IFT88: variants seen among roughly 807,000 people sequenced by gnomAD.
The protein encoded by IFT88 is intraflagellar transport protein 88 homolog.
A neutral mutation model predicts 119.5 loss-of-function variants in IFT88; 74 were observed. The observed-to-expected ratio is 0.62, with a 90% CI of 0.51 to 0.75. IFT88 has a LOEUF of 0.75. Among genes scored for constraint, IFT88 ranks in the 30% least tolerant of loss-of-function variants. The pLI is 0.00. For synonymous variants in IFT88, 279 were observed against 316.7 expected (o/e 0.88, Z 1.26); for missense variants, 961 against 977.7 (o/e 0.98, Z 0.23).
intron 6 of IFT88, 133 bp from the exon 7 acceptor site, chr13:20,592,202 T>C (rs2040799962): frequency 1.5e-6 from 1 of 687,914 alleles, no homozygotes; most frequent in East Asian, 2.8e-5. Flanking sequence ...GTTATCTCCA[T>C]TTAATAAATA....
chr13:20,572,480 A>T (rs190485421), intron 1 of IFT88, among the ~76,000 whole-genome samples: 2 of 152,132 alleles, frequency 1.3e-5, no homozygotes, highest in Non-Finnish European at 2.9e-5. Context: ...TGGCCCTCCA[A>T]AGTCCTGAAA....
intron 16 of IFT88, among the ~76,000 whole-genome samples, chr13:20,637,218 C>T (rs916469263): frequency 2.6e-5 from 4 of 152,138 alleles, no homozygotes; most frequent in Non-Finnish European, 5.9e-5. Flanking sequence ...GGTTGCACAA[C>T]TTTGTGAACC....
In IFT88 at chr13:20,619,004, A is replaced by G. The variant is rs575571540; in HGVS notation, c.1199+3125A>G. On this transcript the variant is annotated intron_variant, in intron 14 of 25. Coordinates refer to ENST00000351808, the MANE Select transcript of IFT88 (RefSeq NM_006531.5). The stretch of plus-strand genomic sequence containing the variant: ...CCTAAGTAGCTGGGACTACAGGCGC[A>G]CATTGCCACGCCCGGCCAATTTTTT... Among the ~76,000 whole-genome samples, 21 of 151,942 alleles carry G rather than the reference A, an allele frequency of 1.4e-4. No homozygotes were observed. The East Asian group carries it at 3.7e-3, about 27-fold the overall frequency.
chr13:20,610,521 A>G (rs2044300019), intron 13 of IFT88, among the ~76,000 whole-genome samples: 1 of 152,026 alleles, frequency 6.6e-6, no homozygotes, highest in Admixed American at 6.5e-5. Context: ...CTTTGGACAT[A>G]TCATTGAACT....
chr13:20,600,583 G>T (rs1041311164), intron 11 of IFT88, among the ~76,000 whole-genome samples: 41 of 152,220 alleles, frequency 2.7e-4, no homozygotes, highest in Non-Finnish European at 4.9e-4. Flanking sequence ...AAATAAGGTG[G>T]GATCACATCC....
chr13:20,638,272 A>C, intron 16 of IFT88, 60 bp from the exon 17 acceptor site: 2 of 906,716 alleles, frequency 2.2e-6, no homozygotes, highest in Non-Finnish European at 3.1e-6. Flanking sequence ...CTGTAATCTC[A>C]GAACAGTCAG....
intron 9 of IFT88, among the ~76,000 whole-genome samples, chr13:20,597,488 T>G (rs1030876172): frequency 5.3e-5 from 8 of 152,120 alleles, no homozygotes; most frequent in African/African-American, 1.2e-4. Flanking sequence ...CTCACGCCTG[T>G]AATCCCAGCA....
At chr13:20,639,580 A>C (rs1245821809) in intron 17 of IFT88, among the ~76,000 whole-genome samples, 1 of 152,148 alleles carries the variant, frequency 6.6e-6, no homozygotes, top group Non-Finnish European at 1.5e-5. Flanking sequence ...GAAGGAAGGG[A>C]GGCTATGACC....
At chr13:20,601,357 C>T (rs2042565299) in intron 11 of IFT88, among the ~76,000 whole-genome samples, 1 of 74,600 alleles carries the variant, frequency 1.3e-5, no homozygotes, top group South Asian at 8.1e-4. Flanking sequence ...CAGAGAGAGA[C>T]CCTGTCTGAA....
chr13:20,608,179 G>A (rs2043840896), intron 13 of IFT88: 4 of 305,398 alleles, frequency 1.3e-5, no homozygotes, highest in Non-Finnish European at 2.6e-5. Context: ...GGACCAGACT[G>A]TTCTGCGACG....
chr13:20,690,989 G>C, intron 25 of IFT88, 65 bp from the exon 26 acceptor site: 2 of 1,577,274 alleles, frequency 1.3e-6, no homozygotes, highest in Non-Finnish European at 1.7e-6. Flanking sequence ...CTATGAGCCT[G>C]ATTGGTTTCA....
At chr13:20,686,100 T>A (rs2057889152) in intron 24 of IFT88, among the ~76,000 whole-genome samples, 1 of 152,182 alleles carries the variant, frequency 6.6e-6, no homozygotes, top group Non-Finnish European at 1.5e-5. Context: ...TGTGGTGAGA[T>A]CCCACATCGA....
chr13:20,593,609 G>A (rs1393785055), intron 7 of IFT88, among the ~76,000 whole-genome samples: 3 of 150,316 alleles, frequency 2.0e-5, no homozygotes, highest in Non-Finnish European at 4.4e-5. Context: ...TTCCATTTTT[G>A]ACTAGCAAGG....
chr13:20,578,838 C>T (rs568748047), intron 2 of IFT88, among the ~76,000 whole-genome samples: 3 of 152,284 alleles, frequency 2.0e-5, no homozygotes, highest in South Asian at 2.1e-4. Context: ...TGTGAGCCAC[C>T]GCATCCAGCC....
chr13:20,614,386 A>G (rs1381559246), intron 13 of IFT88: 2 of 152,244 alleles, frequency 1.3e-5, no homozygotes, highest in Non-Finnish European at 2.9e-5. Flanking sequence ...TTACTCAGCA[A>G]CAAAAAGGAA....
intron 3 of IFT88, among the ~76,000 whole-genome samples, chr13:20,588,883 G>A (rs565418490): frequency 1.3e-5 from 2 of 152,298 alleles, no homozygotes; most frequent in South Asian, 4.1e-4. Flanking sequence ...TAGTCTTAGG[G>A]TGTAGCCTTT....
At chr13:20,568,361 G>C (rs1034650062) in intron 1 of IFT88, among the ~76,000 whole-genome samples, 1 of 152,178 alleles carries the variant, frequency 6.6e-6, no homozygotes, top group South Asian at 2.1e-4. Context: ...TATTAGCCAT[G>C]CTTGATTCCC....
chr13:20,639,868 A>C (rs988008282), intron 17 of IFT88, among the ~76,000 whole-genome samples: 4 of 143,548 alleles, frequency 2.8e-5, no homozygotes, highest in Non-Finnish European at 6.0e-5. Context: ...AGCTCACTGC[A>C]ACCTCCACCT....
intron 23 of IFT88, among the ~76,000 whole-genome samples, chr13:20,665,035 T>C (rs9550665): frequency 0.052 from 7,825 of 150,882 alleles, 506 homozygotes; most frequent in East Asian, 0.36. Flanking sequence ...GCTGAGATCC[T>C]GCCACTGCAC....
Sources: allele counts gnomAD v4.1 joint callset (sites outside exome capture counted in the v4.1 genomes callset), GRCh38; gene constraint gnomAD v4.1.1; transcripts MANE v1.5; gene names NCBI Gene and HGNC (gene_info 2026-07-23, HGNC 2026-07-21).